Variants in PDE4A observed in about 807,000 individuals in gnomAD.
The protein encoded by PDE4A is phosphodiesterase 4A.
PDE4A carries 21 observed loss-of-function variants against 73.9 expected under a neutral mutation model. The observed-to-expected ratio is 0.28, with a 90% confidence interval of 0.20 to 0.41. PDE4A has a LOEUF of 0.41. Ranked by LOEUF, PDE4A falls within the 10% of genes least tolerant of loss-of-function variation. The pLI, the probability that PDE4A is intolerant of heterozygous loss-of-function variation, is 1.00. For missense variants in PDE4A, 958 were observed against 1,211.4 expected (o/e 0.79, Z 3.10); for synonymous variants, 463 against 505.4 (o/e 0.92, Z 1.13).
At chr19:10,441,506 C>A (rs994007469) in intron 1 of PDE4A, among the ~76,000 whole-genome samples, 1 of 151,992 alleles carries the variant, frequency 6.6e-6, no homozygotes. Flanking sequence ...ATCCTTCCAC[C>A]TCAGCCTCTG....
chr19:10,467,488 C>T lies in PDE4A; in HGVS notation c.2528C>T (p.Ala843Val), dbSNP rs201404545. 2.2e-5 allele frequency: 36 copies of T among 1,612,788 alleles called. No homozygotes were observed. Among genetic ancestry groups the T allele is most frequent in the Non-Finnish European group, 3.0e-5 (35 of 1,179,814 alleles). ...APGLPGLPSTAAEVEAQREHQ... is the reference protein window; with the variant it reads ...APGLPGLPSTVAEVEAQREHQ... ...GGCCTCCCGGGCCTCCCCTCCACGG[C>T]GGCCGAGGTGGAGGCCCAACGAGAG... The change falls in exon 15 of 15, where the codon GCG becomes GTG. Residue 843 changes from alanine (A) to valine (V), a missense_variant. By Grantham distance (64) the Ala-to-Val change is moderately conservative. Around this residue, in one of 3 missense-constraint regions of PDE4A, gnomAD observed 243 missense variants for 245.9 expected, o/e 0.99. Transcript: ENST00000380702.
At position 10,420,699 on chromosome 19, in the gene PDE4A, C is replaced by T. The variant is rs1349174958; in HGVS notation, c.-66C>T. Reference sequence around the variant, plus strand: ...GGGGCCCTGGGCTCGCTGGCTTGCGCGCAGCTGAGCGGGGTGTAGGTTGGA... The same window carrying T: ...GGGGCCCTGGGCTCGCTGGCTTGCGTGCAGCTGAGCGGGGTGTAGGTTGGA... On this transcript the variant is annotated 5_prime_UTR_variant, in exon 1 of 15. Transcript: ENST00000380702. The surrounding 1 kb of genome is among the most constrained non-coding windows in gnomAD (Gnocchi z 6.0). 2.2e-6 allele frequency: 3 copies of T among 1,395,146 alleles called. No homozygotes were observed. Among genetic ancestry groups the T allele is most frequent in the African/African-American group, 1.5e-5 (1 of 65,366 alleles). The allele number at this position is 1,395,146 out of a possible 1,614,324, so 86.4% of individuals were successfully genotyped here. A position where few individuals can be genotyped will look rare whatever the true frequency, so the allele number is the denominator to read the frequency against.
rs1403736915 is a variant in PDE4A, at chr19:10,461,031, G to A, written c.1393G>A (p.Ala465Thr). 1 of 1,613,582 alleles carries A rather than the reference G, an allele frequency of 6.2e-7. No homozygotes were observed. The highest frequency in any genetic ancestry group is 8.5e-7 in the Non-Finnish European group (1 of 1,179,676). The change falls in exon 11 of 15, where the codon GCC (alanine) becomes ACC (threonine). Residue 465 changes from alanine (A) to threonine (T), a missense_variant. Coordinates refer to ENST00000380702, the MANE Select transcript of PDE4A (RefSeq NM_001111307.2). ...DAVFTDLEILAALFAAAIHDV... is the reference protein window; with the variant it reads ...DAVFTDLEILTALFAAAIHDV... ...AGTGTTCACGGACCTGGAGATTCTC[G>A]CCGCCCTCTTCGCGGCTGCCATCCA... is the stretch of plus-strand genomic sequence containing the variant.
upstream of PDE4A, chr19:10,417,388 A>G (rs551360114): frequency 5.1e-6 from 5 of 985,260 alleles, no homozygotes; most frequent in Middle Eastern, 5.2e-4. Context: ...GAGGTCTCAC[A>G]CTTGAGACAG....
rs199581658 is a variant in PDE4A at position 10,459,524 on chromosome 19, C to A, written c.1200+26C>A. 62 of 1,611,542 alleles carry A rather than the reference C, an allele frequency of 3.8e-5. No homozygotes were observed. In the African/African-American group the frequency reaches 7.9e-4, roughly 20 times the overall value. ...GTGATGGGGACAGCTGGGAGTGGGC[C>A]CGGGTGAGGGGCTCATAGCGGGGCG... On this transcript the variant is annotated intron_variant, in intron 9 of 14. Transcript: ENST00000380702.
At chr19:10,443,544 CAA>C (rs58920826) in intron 1 of PDE4A, among the ~76,000 whole-genome samples, 51,123 of 120,582 alleles carry the variant, frequency 0.42, 9,386 homozygotes, top group East Asian at 0.57. Context: ...GACCCTGTCT[CAA>C]AAAAAAAAAA....
chr19:10,462,638 C>T (rs2043293265), intron 13 of PDE4A, among the ~76,000 whole-genome samples: 1 of 151,986 alleles, frequency 6.6e-6, no homozygotes, highest in Admixed American at 6.6e-5. Context: ...TGTCTGTCCC[C>T]TTCTCCATCT....
At chr19:10,436,504 G>A (rs990628818) in intron 1 of PDE4A, among the ~76,000 whole-genome samples, 2 of 152,086 alleles carry the variant, frequency 1.3e-5, no homozygotes, top group African/African-American at 4.8e-5. Context: ...GCAGTGAGCC[G>A]AGATGGCGCC....
chr19:10,446,484 T>G, intron 2 of PDE4A, 75 bp downstream of exon 2: 1 of 1,527,334 alleles, frequency 6.5e-7, no homozygotes, highest in Non-Finnish European at 8.8e-7. Context: ...CAGCAGGGAG[T>G]CGGGGGGCAC....
At chr19:10,419,565 C>T (rs1266115132), upstream of PDE4A, 2 of 152,282 alleles carry the variant, frequency 1.3e-5, no homozygotes, top group African/African-American at 4.8e-5. Flanking sequence ...AGCGGTGGGC[C>T]GGCAGCTGCG....
chr19:10,459,048 T>TG (rs5827100), intron 8 of PDE4A: 130,138 of 285,018 alleles, frequency 0.46, 32,505 homozygotes, highest in African/African-American at 0.71. Flanking sequence ...TGAGCTGTGC[T>TG]GGGGCCAGTC....
At chr19:10,438,140 GTCTCGC>G (rs2042890031) in intron 1 of PDE4A, among the ~76,000 whole-genome samples, 1 of 140,350 alleles carries the variant, frequency 7.1e-6, no homozygotes, top group Non-Finnish European at 1.5e-5. Context: ...TTGAGACGGA[GTCTCGC>G]TCTGTCGCCA....
chr19:10,464,901 G>C (rs2043338821), intron 14 of PDE4A, among the ~76,000 whole-genome samples: 1 of 150,918 alleles, frequency 6.6e-6, no homozygotes, highest in South Asian at 2.1e-4. Flanking sequence ...ATTTTTCATG[G>C]AGATGGGGTT....
In PDE4A at chr19:10,458,132, G is replaced by A. The variant is rs1421376963; in HGVS notation, c.1101+30G>A. ...GTGGGGGCTCAGTAGGGGCAGGGCT[G>A]GAGGGGGTGGTCTCCTGGGACCCTG... On this transcript the variant is annotated intron_variant, in intron 8 of 14. Coordinates refer to ENST00000380702, the MANE Select transcript of PDE4A (RefSeq NM_001111307.2). The surrounding 1 kb of genome is among the most constrained non-coding windows in gnomAD (Gnocchi z 4.6). 3.1e-6 allele frequency: 5 copies of A among 1,605,622 alleles called. No individual in the cohort carries two copies. The African/African-American group carries it at 6.7e-5, about 21-fold the overall frequency.
At chr19:10,459,145 A>G (rs1277884171) in intron 8 of PDE4A, 2 of 534,074 alleles carry the variant, frequency 3.7e-6, no homozygotes, top group East Asian at 3.6e-5. Context: ...TGGTGCCTTC[A>G]CCTGCCAAAC....
intron 1 of PDE4A, among the ~76,000 whole-genome samples, chr19:10,444,412 C>T (rs1198308716): frequency 1.3e-5 from 2 of 151,512 alleles, no homozygotes; most frequent in Non-Finnish European, 2.9e-5. Flanking sequence ...GCAGGAAAAT[C>T]GCTTGAACCC....
At chr19:10,440,661 C>T (rs1490424711) in intron 1 of PDE4A, among the ~76,000 whole-genome samples, 6 of 152,216 alleles carry the variant, frequency 3.9e-5, no homozygotes, top group South Asian at 4.1e-4. Flanking sequence ...TGCAATGTCG[C>T]GATCTCAGCT....
rs748323298 is a variant in PDE4A, at chr19:10,461,012, C to T, written c.1374C>T (p.Phe458=). The T allele has an allele frequency of 1.2e-6, 2 of 1,613,140 alleles. No homozygotes were observed. The highest frequency in any genetic ancestry group is 2.2e-5 in the South Asian group (2 of 91,048). ...CGTGTCTCTGCTCCCAGGCAGTGTTCACGGACCTGGAGATTCTCGCCGCCC... is the reference window on the plus strand; with the variant it reads ...CGTGTCTCTGCTCCCAGGCAGTGTTTACGGACCTGGAGATTCTCGCCGCCC... The part of the protein sequence containing the change: ...LLATPALDAV[F]TDLEILAALF... The change falls in exon 11 of 15, where the codon TTC becomes TTT. Residue 458 remains phenylalanine (F), a synonymous_variant. Coordinates refer to ENST00000380702, the MANE Select transcript of PDE4A (RefSeq NM_001111307.2).
In PDE4A at chr19:10,458,412, C is replaced by T. The variant is rs951709146; in HGVS notation, c.1101+310C>T. On this transcript the variant is annotated intron_variant, in intron 8 of 14. Coordinates refer to ENST00000380702, the MANE Select transcript of PDE4A (RefSeq NM_001111307.2). The surrounding 1 kb of genome is among the most constrained non-coding windows in gnomAD (Gnocchi z 4.6). ...CCAGCTGCAGAGGGATTGGTGTACA[C>T]AGCAGTGACGCTAATCCAGACTGTG... 2.6e-5 allele frequency among the ~76,000 whole-genome samples: 4 copies of T among 152,178 alleles called. No homozygotes were observed. The South Asian group carries it at 8.3e-4, about 32-fold the overall frequency.
Sources: gnomAD v4.1 joint callset for allele counts (sites outside exome capture counted in the v4.1 genomes callset) on GRCh38, gnomAD v4.1.1 for gene constraint, gnomAD v4.1.1 regional missense constraint, Gnocchi (gnomAD v3.1) non-coding constraint, MANE v1.5 for transcripts, NCBI Gene and HGNC (gene_info 2026-07-23, HGNC 2026-07-21) for gene names.